Variants in TNNI3K observed in about 807,000 individuals in gnomAD.
TNNI3K encodes TNNI3 interacting kinase, also known as serine/threonine-protein kinase TNNI3K.
TNNI3K carries 140 observed loss-of-function variants against 114.5 expected under a neutral mutation model. The observed-to-expected ratio is 1.22, with a 90% CI of 1.07 to 1.41. The LOEUF is 1.41. Ranked by LOEUF, TNNI3K falls within the 40% of genes most tolerant of loss-of-function variation. The pLI is 0.00. For synonymous variants in TNNI3K, 347 were observed against 347.5 expected, an observed-to-expected ratio of 1.00 and a Z score of 0.02; for missense variants, 1,125 against 1,007.6, an observed-to-expected ratio of 1.12 and a Z score of -1.58.
intron 20 of TNNI3K, among the ~76,000 whole-genome samples, chr1:74,457,871 T>A (rs1464299297): frequency 2.6e-5 from 4 of 152,180 alleles, no homozygotes; most frequent in African/African-American, 9.6e-5. Flanking sequence ...CTGAGCCTTA[T>A]GACCAGTGAG....
At chr1:74,347,783 G>C (rs892538247) in intron 9 of TNNI3K, among the ~76,000 whole-genome samples, 9 of 152,196 alleles carry the variant, frequency 5.9e-5, no homozygotes, top group African/African-American at 2.2e-4. Flanking sequence ...GTGTTTTTTG[G>C]CTGCATAAAT....
At chr1:74,499,585 CTCCAGTT>C (rs912773830) in intron 23 of TNNI3K, among the ~76,000 whole-genome samples, 268 of 152,186 alleles carry the variant, frequency 1.8e-3, no homozygotes, top group African/African-American at 5.6e-3. Context: ...TCAGTAATAT[CTCCAGTT>C]TCAGGCATCC....
At chr1:74,542,600 G>C (rs116161043) in intron 24 of TNNI3K, among the ~76,000 whole-genome samples, 16 of 152,292 alleles carry the variant, frequency 1.1e-4, no homozygotes, top group African/African-American at 3.8e-4. Context: ...TCTCTTAAGA[G>C]AGTTTATGTG....
At chr1:74,436,002 C>T (rs1666105781) in intron 17 of TNNI3K, 78 bp from the exon 18 acceptor site, 1 of 1,538,702 alleles carries the variant, frequency 6.5e-7, no homozygotes, top group East Asian at 2.3e-5. Flanking sequence ...CTATGGTCCT[C>T]TTCTTTGAGG....
At chr1:74,457,793 T>C (rs1667288610) in intron 20 of TNNI3K, among the ~76,000 whole-genome samples, 1 of 152,190 alleles carries the variant, frequency 6.6e-6, no homozygotes, top group Non-Finnish European at 1.5e-5. Context: ...AAGTGGGGTA[T>C]AGATAATTAA....
At chr1:74,459,540 TA>T (rs1233776435) in intron 20 of TNNI3K, among the ~76,000 whole-genome samples, 2 of 152,130 alleles carry the variant, frequency 1.3e-5, no homozygotes, top group African/African-American at 4.8e-5. Flanking sequence ...AACTGAACCA[TA>T]AAATGCAGTG....
chr1:74,277,688 T>A (rs532223871), intron 5 of TNNI3K, among the ~76,000 whole-genome samples: 1 of 152,296 alleles, frequency 6.6e-6, no homozygotes, highest in Admixed American at 6.5e-5. Context: ...TCAAATCAGT[T>A]TTCTGCAGCC....
chr1:74,324,094 T>C lies in TNNI3K; in HGVS notation c.445-7356T>C, dbSNP rs113191517. Among the ~76,000 whole-genome samples, 1,219 of 152,348 alleles carry C rather than the reference T, an allele frequency of 8.0e-3. 17 individuals are homozygous for C. The highest frequency in any genetic ancestry group is 0.028 in the African/African-American group (1,161 of 41,580). On this transcript the variant is annotated intron_variant, in intron 5 of 24. Transcript: ENST00000326637. ...GTCTCCCTCACAAGAGGACTATAAA[T>C]ATTAGTCCTGCCCTGACAGGGCTTC...
chr1:74,244,177 T>C (rs1485486408), intron 2 of TNNI3K, among the ~76,000 whole-genome samples: 1 of 152,168 alleles, frequency 6.6e-6, no homozygotes, highest in Non-Finnish European at 1.5e-5. Context: ...ATTCCAGTTA[T>C]TAAAGTTGAG....
At chr1:74,452,850 T>A (rs556684526) in intron 20 of TNNI3K, among the ~76,000 whole-genome samples, 3 of 152,298 alleles carry the variant, frequency 2.0e-5, no homozygotes, top group East Asian at 3.9e-4. Context: ...AACTTTCATA[T>A]CCCCAGCATG....
At chr1:74,434,214 A>C (rs923190927) in intron 17 of TNNI3K, among the ~76,000 whole-genome samples, 6 of 152,048 alleles carry the variant, frequency 3.9e-5, no homozygotes, top group Non-Finnish European at 8.8e-5. Flanking sequence ...ATTCCCTAGC[A>C]ATTCAACACC....
chr1:74,503,627 A>G (rs1669746178), intron 23 of TNNI3K, among the ~76,000 whole-genome samples: 1 of 152,136 alleles, frequency 6.6e-6, no homozygotes, highest in Non-Finnish European at 1.5e-5. Flanking sequence ...TAAAATTTTT[A>G]TGACATGCAC....
intron 23 of TNNI3K, among the ~76,000 whole-genome samples, chr1:74,539,935 T>A (rs1269329218): frequency 2.0e-5 from 3 of 152,120 alleles, no homozygotes; most frequent in Admixed American, 2.0e-4. Context: ...AAACTGGAAA[T>A]TATTTATGTT....
intron 17 of TNNI3K, among the ~76,000 whole-genome samples, chr1:74,401,404 T>G (rs747136193): frequency 5.3e-5 from 8 of 152,230 alleles, no homozygotes; most frequent in Non-Finnish European, 1.2e-4. Context: ...TATTTACAAG[T>G]GGTATTGAAT....
chr1:74,543,498 T>A (rs1646751861), intron 24 of TNNI3K, among the ~76,000 whole-genome samples: 1 of 152,236 alleles, frequency 6.6e-6, no homozygotes, highest in African/African-American at 2.4e-5. Context: ...TTCTCCCATT[T>A]ACAGATGAAC....
At chr1:74,262,997 C>A (rs756797133) in intron 4 of TNNI3K, among the ~76,000 whole-genome samples, 1 of 151,976 alleles carries the variant, frequency 6.6e-6, no homozygotes, top group Non-Finnish European at 1.5e-5. Context: ...CGGTCACAAT[C>A]TCACATATTT....
intron 23 of TNNI3K, among the ~76,000 whole-genome samples, chr1:74,497,784 T>C (rs1669405927): frequency 2.0e-5 from 3 of 152,324 alleles, no homozygotes; most frequent in Non-Finnish European, 2.9e-5. Context: ...ATTCTAATTA[T>C]ATTATTTGCA....
chr1:74,463,520 G>A lies in TNNI3K; in HGVS notation c.2091G>A (p.Leu697=). The A allele has an allele frequency of 6.2e-7, 1 of 1,614,184 alleles. No individual in the cohort carries two copies. The highest frequency in any genetic ancestry group is 8.5e-7 in the Non-Finnish European group (1 of 1,180,030). ...CCATTCCCAAGCCCATATCATCTCT[G>A]CTGATACGAGGGTGGAACGCATGTC... ...GYSIPKPISS[L]LIRGWNACPE... is the part of the protein sequence containing the mutation. Residue 697 remains leucine (L), a synonymous_variant, in exon 21 of 25, where the codon CTG becomes CTA. Transcript: ENST00000326637.
intron 5 of TNNI3K, among the ~76,000 whole-genome samples, chr1:74,289,803 T>C (rs1657564504): frequency 6.6e-6 from 1 of 151,976 alleles, no homozygotes; most frequent in Non-Finnish European, 1.5e-5. Flanking sequence ...TTTTATGTCT[T>C]TTAGCCTAAT....
Sources: allele counts gnomAD v4.1 joint callset (sites outside exome capture counted in the v4.1 genomes callset), GRCh38; gene constraint gnomAD v4.1.1; transcripts MANE v1.5; gene names NCBI Gene and HGNC (gene_info 2026-07-23, HGNC 2026-07-21).